PDE4D: variants seen among roughly 807,000 people sequenced by gnomAD.
PDE4D encodes the protein phosphodiesterase 4D.
PDE4D carries 24 observed loss-of-function variants against 87.4 expected under a neutral mutation model. That is an observed-to-expected ratio of 0.27 (90% CI 0.20 to 0.39). The LOEUF (loss-of-function observed/expected upper bound fraction) is 0.39. PDE4D is among the 10% of genes least tolerant of loss of function. The pLI is 1.00. For missense variants in PDE4D, 714 were observed against 1,041.0 expected, an observed-to-expected ratio of 0.69 and a Z score of 4.32; for synonymous variants, 384 against 383.2, an observed-to-expected ratio of 1.00 and a Z score of -0.02.
chr5:59,995,334 T>C (rs1250645574), intron 2 of PDE4D, among the ~76,000 whole-genome samples: 1 of 151,558 alleles, frequency 6.6e-6, no homozygotes, highest in Non-Finnish European at 1.5e-5. Context: ...TTTTTTTTTT[T>C]TGAGATGGAG....
chr5:59,974,630 T>C (rs1761118563), intron 3 of PDE4D, among the ~76,000 whole-genome samples: 1 of 152,182 alleles, frequency 6.6e-6, no homozygotes, highest in Non-Finnish European at 1.5e-5. Flanking sequence ...TATGCTCAAC[T>C]TCTTGTTCCC....
At chr5:59,172,919 C>A (rs951679049) in intron 5 of PDE4D, 4 of 151,798 alleles carry the variant, frequency 2.6e-5, no homozygotes, top group African/African-American at 9.7e-5. Context: ...AATATTATAG[C>A]AATAATGATA....
At chr5:59,941,950 T>C (rs1367345849) in intron 3 of PDE4D, among the ~76,000 whole-genome samples, 1 of 152,174 alleles carries the variant, frequency 6.6e-6, no homozygotes, top group Non-Finnish European at 1.5e-5. Flanking sequence ...AATGGGTAAC[T>C]ATGGCCAGGA....
intron 3 of PDE4D, among the ~76,000 whole-genome samples, chr5:59,910,075 C>G (rs1365989761): frequency 6.6e-6 from 1 of 152,156 alleles, no homozygotes; most frequent in Non-Finnish European, 1.5e-5. Context: ...TTCCATGCTG[C>G]CTTCCTCGAT....
intron 1 of PDE4D, among the ~76,000 whole-genome samples, chr5:59,472,407 A>G (rs1802594414): frequency 6.6e-6 from 1 of 152,130 alleles, no homozygotes; most frequent in African/African-American, 2.4e-5. Flanking sequence ...CTAAACCCAG[A>G]TGGTTTTCAT....
chr5:59,521,958 AGAAT>A (rs1238097109), intron 1 of PDE4D, among the ~76,000 whole-genome samples: 1 of 152,244 alleles, frequency 6.6e-6, no homozygotes, highest in Non-Finnish European at 1.5e-5. Flanking sequence ...ACAATTATTG[AGAAT>A]GAAAGGGTTT....
chr5:59,183,993 A>G (rs1286145014), intron 4 of PDE4D, among the ~76,000 whole-genome samples: 1 of 152,202 alleles, frequency 6.6e-6, no homozygotes, highest in Non-Finnish European at 1.5e-5. Context: ...ACAAGGTACA[A>G]TCAGACAGAG....
rs1231747540 is a variant in PDE4D, at chr5:59,065,065, TATACACACACACACAC to T, written c.809-26110_809-26095del. On this transcript the variant is annotated intron_variant, in intron 5 of 14. Transcript: ENST00000340635. ...ATGGACAAAGGAAATGTGATATATA[TATACACACACACACAC>T]ACACACACACACACACACACACACA... Among the ~76,000 whole-genome samples the T allele has an allele frequency of 8.9e-3, 94 of 10,520 alleles. 1 individual carries two copies. The East Asian group carries it at 0.17, about 19-fold the overall frequency. 6.9% of individuals were successfully genotyped at this position (10,520 alleles called of 152,430 possible). A position where few individuals can be genotyped will look rare whatever the true frequency, so the allele number is the denominator to read the frequency against.
intron 1 of PDE4D, among the ~76,000 whole-genome samples, chr5:59,802,133 C>T (rs990212375): frequency 2.6e-5 from 4 of 152,084 alleles, no homozygotes; most frequent in African/African-American, 9.7e-5. Context: ...TTAGAATCAC[C>T]GGGGTAATTT....
intron 2 of PDE4D, among the ~76,000 whole-genome samples, chr5:60,050,456 A>C (rs1395966784): frequency 1.3e-5 from 2 of 152,244 alleles, no homozygotes; most frequent in African/African-American, 4.8e-5. Context: ...GTGAAGGAGA[A>C]ATAAAATCCT....
chr5:59,669,547 G>GT (rs1410318015), intron 1 of PDE4D, among the ~76,000 whole-genome samples: 1 of 152,114 alleles, frequency 6.6e-6, no homozygotes, highest in African/African-American at 2.4e-5. Flanking sequence ...TGAAAAATTA[G>GT]TTTTCTCCAT....
chr5:60,360,152 G>A (rs1759941786), intron 1 of PDE4D, among the ~76,000 whole-genome samples: 1 of 152,180 alleles, frequency 6.6e-6, no homozygotes, highest in South Asian at 2.1e-4. Flanking sequence ...CCTGGGAGCA[G>A]GGGTGAGATC....
intron 1 of PDE4D, among the ~76,000 whole-genome samples, chr5:59,841,671 G>C (rs926173051): frequency 6.6e-6 from 1 of 151,952 alleles, no homozygotes; most frequent in Non-Finnish European, 1.5e-5. Context: ...TATGACAGAG[G>C]AATACACGGG....
chr5:59,358,347 A>G (rs1562025899), intron 1 of PDE4D, among the ~76,000 whole-genome samples: 1 of 152,166 alleles, frequency 6.6e-6, no homozygotes, highest in Non-Finnish European at 1.5e-5. Flanking sequence ...TTCTCCCTGA[A>G]TCAACTTGCA....
intron 1 of PDE4D, among the ~76,000 whole-genome samples, chr5:59,346,361 G>A (rs547381720): frequency 6.6e-6 from 1 of 151,978 alleles, no homozygotes; most frequent in African/African-American, 2.4e-5. Flanking sequence ...GAGTGCTAAG[G>A]GTTATCTATA....
chr5:60,071,540 G>C (rs919359817), intron 2 of PDE4D, among the ~76,000 whole-genome samples: 2 of 151,974 alleles, frequency 1.3e-5, no homozygotes, highest in African/African-American at 4.8e-5. Context: ...TTAGCCATCT[G>C]GGCAAAAAAT....
Position 59,756,509 on chromosome 5 carries a change from T to TACACACACACACACACACACACACACAC in PDE4D, c.455+136658_455+136659insGTGTGTGTGTGTGTGTGTGTGTGTGTGT, listed in dbSNP as rs3062590. Among the ~76,000 whole-genome samples, 67 of 145,022 alleles carry TACACACACACACACACACACACACACAC rather than the reference T, an allele frequency of 4.6e-4. 2 individuals are homozygous for TACACACACACACACACACACACACACAC. The highest frequency in any genetic ancestry group is 4.4e-4 in the South Asian group (2 of 4,536). Reference sequence around the variant, plus strand: ...TCTATGTGCATGTAAACCCAAAACATACACACACACACACACACACACACA... The same window carrying TACACACACACACACACACACACACACAC: ...TCTATGTGCATGTAAACCCAAAACATACACACACACACACACACACACACACACACACACACACACACACACACACACA... On this transcript the variant is annotated intron_variant, in intron 1 of 14. Transcript: ENST00000340635.
chr5:59,076,803 A>G (rs889026617), intron 5 of PDE4D, among the ~76,000 whole-genome samples: 2 of 152,114 alleles, frequency 1.3e-5, no homozygotes, highest in African/African-American at 4.8e-5. Flanking sequence ...AGCTCCAACA[A>G]CATAGTATAA....
At chr5:60,047,656 G>A (rs1769466775) in intron 2 of PDE4D, among the ~76,000 whole-genome samples, 1 of 152,134 alleles carries the variant, frequency 6.6e-6, no homozygotes, top group Non-Finnish European at 1.5e-5. Flanking sequence ...AGGTTGTTCA[G>A]TTTCCATGTA....
Sources: gnomAD v4.1 joint callset for allele counts (sites outside exome capture counted in the v4.1 genomes callset) on GRCh38, gnomAD v4.1.1 for gene constraint, MANE v1.5 for transcripts, NCBI Gene and HGNC (gene_info 2026-07-23, HGNC 2026-07-21) for gene names.